The following MLH3 variants were observed in gnomAD, a reference collection of about 807,000 sequenced individuals.
The protein encoded by MLH3 is mutL homolog 3.
In MLH3, 82 loss-of-function variants were observed where a neutral mutation model predicts 122.2. That is an observed-to-expected ratio of 0.67 (90% CI 0.56 to 0.81). The LOEUF (loss-of-function observed/expected upper bound fraction) is 0.81, where lower values mean the gene tolerates loss of function less well. MLH3 is among the 30% of genes least tolerant of loss of function. The pLI is 0.00. For missense variants in MLH3, 1,539 were observed against 1,714.5 expected, an observed-to-expected ratio of 0.90 and a Z score of 1.81; for synonymous variants, 524 against 599.5, an observed-to-expected ratio of 0.87 and a Z score of 1.84.
chr14:75,018,684 G>T, intron 12 of MLH3, 145 bp downstream of exon 12: 1 of 867,140 alleles, frequency 1.2e-6, no homozygotes, highest in South Asian at 1.4e-5. Flanking sequence ...AATGGGTGAG[G>T]CTTTATGTGA....
chr14:75,031,089 A>C (rs1891018715), intron 8 of MLH3, among the ~76,000 whole-genome samples: 1 of 152,340 alleles, frequency 6.6e-6, no homozygotes, highest in Middle Eastern at 3.4e-3. Flanking sequence ...GGAATTGAGA[A>C]GTCCTGACTA....
At chr14:75,019,905 A>G (rs531404910) in intron 11 of MLH3, among the ~76,000 whole-genome samples, 20 of 152,312 alleles carry the variant, frequency 1.3e-4, no homozygotes, top group Admixed American at 5.2e-4. Flanking sequence ...AGGGGAGACA[A>G]ACATGAAGCA....
At chr14:75,032,997 A>C (rs1891155471) in intron 7 of MLH3, among the ~76,000 whole-genome samples, 1 of 151,430 alleles carries the variant, frequency 6.6e-6, no homozygotes, top group Non-Finnish European at 1.5e-5. Context: ...CTATTTGATT[A>C]TACTGCATAT....
chr14:75,038,474 T>C (rs1157192359), intron 5 of MLH3, 62 bp from the exon 6 acceptor site: 12 of 1,045,704 alleles, frequency 1.1e-5, no homozygotes, highest in Admixed American at 5.1e-5. Flanking sequence ...CTTATTTGCA[T>C]AGAAAGATAC....
At chr14:75,044,612 T>C (rs936038282) in intron 2 of MLH3, among the ~76,000 whole-genome samples, 3 of 152,056 alleles carry the variant, frequency 2.0e-5, no homozygotes, top group Non-Finnish European at 4.4e-5. Context: ...GGAACAACAG[T>C]GAAAGAAATG....
intron 8 of MLH3, among the ~76,000 whole-genome samples, chr14:75,031,537 G>A (rs2139396231): frequency 6.6e-6 from 1 of 152,344 alleles, no homozygotes; most frequent in South Asian, 2.1e-4. Context: ...AATAGGCTGG[G>A]TCCAGTGGCT....
At chr14:75,040,449 C>CAAAAAAAAAAAAAAAAAAAAA (rs36233766) in intron 4 of MLH3, among the ~76,000 whole-genome samples, 2 of 35,592 alleles carry the variant, frequency 5.6e-5, no homozygotes, top group Non-Finnish European at 5.0e-5. Flanking sequence ...GACTCTGTCA[C>CAAAAAAAAAAAAAAAAAAAAA]AAAAAAAAAA....
intron 6 of MLH3, among the ~76,000 whole-genome samples, chr14:75,035,359 T>A (rs1891335100): frequency 6.6e-6 from 1 of 151,986 alleles, no homozygotes; most frequent in East Asian, 1.9e-4. Flanking sequence ...CCGTCTCTAC[T>A]AAAAATACAA....
chr14:75,027,664 T>TAAAAAAAAAAAAAA (rs56986784), intron 9 of MLH3, among the ~76,000 whole-genome samples: 2 of 30,896 alleles, frequency 6.5e-5, no homozygotes, highest in Non-Finnish European at 1.2e-4. Context: ...TTTACTTCAG[T>TAAAAAAAAAAAAAA]AAAAAAAAAA....
chr14:75,014,539 G>A lies in MLH3; in HGVS notation c.*2543C>T, dbSNP rs1352830434. On this transcript the variant is annotated 3_prime_UTR_variant, in exon 13 of 13. Transcript: ENST00000355774. ...TAGCTGTGACTCTGTGATACCTAAC[G>A]CCAGAAGAAGCTACTATATTCTATC... 5.0e-6 allele frequency: 1 copy of A among 198,316 alleles called. No individual in the cohort carries two copies. Among genetic ancestry groups the A allele is most frequent in the Non-Finnish European group, 1.0e-5 (1 of 95,804 alleles). The allele number at this position is 198,316 out of a possible 1,614,324, so 12.3% of individuals were successfully genotyped here. A position where few individuals can be genotyped will look rare whatever the true frequency, so the allele number is the denominator to read the frequency against.
Position 75,046,906 on chromosome 14 carries a change from T to G in MLH3, c.2750A>C (p.Gln917Pro). 6.2e-7 allele frequency: 1 copy of G among 1,614,084 alleles called. No individual in the cohort carries two copies. Among genetic ancestry groups the G allele is most frequent in the Non-Finnish European group, 8.5e-7 (1 of 1,180,030 alleles). The change falls in exon 2 of 13, where the codon CAA becomes CCA. Residue 917 changes from glutamine (Q) to proline (P), a missense_variant. Coordinates refer to ENST00000355774, the MANE Select transcript of MLH3 (RefSeq NM_001040108.2). ...KDSKLCSVLT[Q>P]DFCMLFNNKH... ...GTTGTTAAATAACATACAAAAATCTTGTGTTAACACACTGCACAACTTGCT... is the reference window on the plus strand; with the variant it reads ...GTTGTTAAATAACATACAAAAATCTGGTGTTAACACACTGCACAACTTGCT...
chr14:75,047,032 G>A lies in MLH3; in HGVS notation c.2624C>T (p.Ser875Phe), dbSNP rs760079290. The A allele has an allele frequency of 6.2e-7, 1 of 1,614,164 alleles. No homozygotes were observed. Among genetic ancestry groups the A allele is most frequent in the Non-Finnish European group, 8.5e-7 (1 of 1,180,030 alleles). Reference sequence around the variant, plus strand: ...GGAACCCTTCAGTCTGGATAATTTAGAGGCTAGTGATTCAGATGACTTCTC... The same window carrying A: ...GGAACCCTTCAGTCTGGATAATTTAAAGGCTAGTGATTCAGATGACTTCTC... ...DLEKSSESLA[S>F]KLSRLKGSER... The change falls in exon 2 of 13, where the codon TCT becomes TTT. Residue 875 changes from serine to phenylalanine, a missense_variant. By Grantham distance (155) the Ser-to-Phe change is radical. Transcript: ENST00000355774.
chr14:75,031,197 T>C (rs1451147834), intron 8 of MLH3, among the ~76,000 whole-genome samples: 2 of 152,306 alleles, frequency 1.3e-5, no homozygotes, highest in East Asian at 3.9e-4. Context: ...TGAAACATAT[T>C]GGGAGAAATT....
Position 75,047,724 on chromosome 14 carries a change from A to G in MLH3, c.1932T>C (p.Asn644=). 1 of 1,614,136 alleles carries G rather than the reference A, an allele frequency of 6.2e-7. No individual in the cohort carries two copies. Among genetic ancestry groups the G allele is most frequent in the Non-Finnish European group, 8.5e-7 (1 of 1,180,012 alleles). ...GAGTTTCAACTGAATGACGTGTTCT[A>G]TTTCCAAATGTTTCTTGGGCACGTG... is the stretch of plus-strand genomic sequence containing the variant. ...GPTRAQETFG[N]RTRHSVETPD... Residue 644 remains asparagine, a synonymous_variant, in exon 2 of 13, where the codon AAT becomes AAC. Transcript: ENST00000355774.
intron 6 of MLH3, among the ~76,000 whole-genome samples, chr14:75,035,312 A>G (rs1891330885): frequency 6.6e-6 from 1 of 152,076 alleles, no homozygotes; most frequent in Admixed American, 6.6e-5. Context: ...ACCTGAGATC[A>G]GGAGTTCGAG....
At position 75,047,122 on chromosome 14, in the gene MLH3, C is replaced by T. The variant is rs759641765; in HGVS notation, c.2534G>A (p.Ser845Asn). 5 of 1,614,054 alleles carry T rather than the reference C, an allele frequency of 3.1e-6. No individual in the cohort carries two copies. The African/African-American group carries it at 6.7e-5, about 22-fold the overall frequency. Residue 845 changes from serine (S) to asparagine (N), a missense_variant, in exon 2 of 13, where the codon AGT (serine) becomes AAT (asparagine). Transcript: ENST00000355774. ...CAGGGTCATAGGACTTTCTCTCAAACTAGGCATCTGTTGTTCTAAACAATC... is the reference window on the plus strand; with the variant it reads ...CAGGGTCATAGGACTTTCTCTCAAATTAGGCATCTGTTGTTCTAAACAATC... ...DEDCLEQQMP[S>N]LRESPMTLKE...
chr14:75,040,068 GT>G, intron 4 of MLH3, 53 bp from the exon 5 acceptor site: 1 of 968,058 alleles, frequency 1.0e-6, no homozygotes. Context: ...TGTCAGAATT[GT>G]TTTACCAAAG....
At position 75,047,300 on chromosome 14, in the gene MLH3, C is replaced by T. The variant is rs372089146; in HGVS notation, c.2356G>A (p.Val786Ile). 6.7e-5 allele frequency: 108 copies of T among 1,614,078 alleles called. No individual in the cohort carries two copies. The East Asian group carries it at 1.4e-3, about 22-fold the overall frequency. Residue 786 changes from valine to isoleucine, a missense_variant, in exon 2 of 13, where the codon GTT becomes ATT. By Grantham distance (29) the Val-to-Ile change is conservative (BLOSUM62 3). Transcript: ENST00000355774. ...TCCTTCAGCAGAATGTCAGGTTCAA[C>T]TTGAAGACTGAGATTGGTAGTGACT... ...NGVTTNLSLQ[V>I]EPDILLKDKN...
intron 11 of MLH3, 78 bp downstream of exon 11, chr14:75,022,736 C>T (rs746347561): frequency 3.4e-6 from 4 of 1,188,700 alleles, no homozygotes; most frequent in Non-Finnish European, 5.0e-6. Flanking sequence ...GTACCCTCTG[C>T]CTCTTTTGTA....
Sources: gnomAD v4.1 joint callset for allele counts (sites outside exome capture counted in the v4.1 genomes callset) on GRCh38, gnomAD v4.1.1 for gene constraint, MANE v1.5 for transcripts, NCBI Gene and HGNC (gene_info 2026-07-23, HGNC 2026-07-21) for gene names.